ADAM10: variants seen among roughly 807,000 people sequenced by gnomAD.
ADAM10 encodes disintegrin and metalloproteinase domain-containing protein 10.
A neutral mutation model predicts 90.1 loss-of-function variants in ADAM10; 17 were observed. The observed-to-expected ratio is 0.19, with a 90% CI of 0.13 to 0.28. ADAM10 has a LOEUF of 0.28. Among genes scored for constraint, ADAM10 ranks in the 10% least tolerant of loss-of-function variants. The probability of loss-of-function intolerance (pLI) is 1.00; values close to 1 mark genes in which losing one functional copy is unlikely to be tolerated. For synonymous variants in ADAM10, 310 were observed against 298.6 expected, an observed-to-expected ratio of 1.04 and a Z score of -0.40; for missense variants, 610 against 914.3, an observed-to-expected ratio of 0.67 and a Z score of 4.29.
At position 58,591,927 on chromosome 15, in the gene ADAM10, T is replaced by C. The variant is rs1330924325; in HGVS notation, c.*5620A>G. 7 of 152,214 alleles carry C rather than the reference T, an allele frequency of 4.6e-5. No homozygotes were observed. The highest frequency in any genetic ancestry group is 1.7e-4 in the African/African-American group (7 of 41,450). The allele number at this position is 152,214 out of a possible 1,614,324, so 9.4% of individuals were successfully genotyped here. A position where few individuals can be genotyped will look rare whatever the true frequency, so the allele number is the denominator to read the frequency against. On this transcript the variant is annotated 3_prime_UTR_variant, in exon 16 of 16. Transcript: ENST00000260408. ...ATCAGTATCCAAATAAGTCCATAAA[T>C]TGTCTTGATAGATGTAGCTCTTAAG...
chr15:58,688,984 A>C lies in ADAM10; in HGVS notation c.207-6670T>G, dbSNP rs1394246027. 2.0e-5 allele frequency among the ~76,000 whole-genome samples: 3 copies of C among 151,310 alleles called. No homozygotes were observed. In the East Asian group the frequency reaches 5.8e-4, roughly 29 times the overall value. On this transcript the variant is annotated intron_variant, in intron 2 of 15. Coordinates refer to ENST00000260408, the MANE Select transcript of ADAM10 (RefSeq NM_001110.4). ...AGAAGCGAGAGGAGACAGAAAAAAA[A>C]ATTTGATAAAATGATAAAAAACTTC...
chr15:58,610,793 T>G, intron 13 of ADAM10: 1 of 633,846 alleles, frequency 1.6e-6, no homozygotes. Context: ...GCTGGCAACG[T>G]TTTGTCTAGT....
At chr15:58,607,303 T>C (rs1895304661) in intron 14 of ADAM10, among the ~76,000 whole-genome samples, 1 of 152,260 alleles carries the variant, frequency 6.6e-6, no homozygotes, top group African/African-American at 2.4e-5. Flanking sequence ...ACAATCAGGA[T>C]TGAGAACTAC....
At chr15:58,637,192 T>C (rs1010863869) in intron 8 of ADAM10, among the ~76,000 whole-genome samples, 1 of 152,198 alleles carries the variant, frequency 6.6e-6, no homozygotes, top group Non-Finnish European at 1.5e-5. Flanking sequence ...AAACATCTAA[T>C]CTAAAGAAAA....
At chr15:58,649,233 T>G (rs1896626467) in intron 5 of ADAM10, among the ~76,000 whole-genome samples, 2 of 152,138 alleles carry the variant, frequency 1.3e-5, no homozygotes, top group Non-Finnish European at 2.9e-5. Context: ...AATACTTGAC[T>G]TACCAAAATC....
intron 1 of ADAM10, among the ~76,000 whole-genome samples, chr15:58,737,242 T>C (rs1899459768): frequency 6.6e-6 from 1 of 152,146 alleles, no homozygotes; most frequent in African/African-American, 2.4e-5. Flanking sequence ...TGGTATCTGT[T>C]CTCTAAAAAT....
chr15:58,660,012 G>A (rs1896930268), intron 5 of ADAM10, among the ~76,000 whole-genome samples: 4 of 152,166 alleles, frequency 2.6e-5, no homozygotes. Context: ...ACAGGTGTGA[G>A]CCAATACGCC....
intron 9 of ADAM10, among the ~76,000 whole-genome samples, chr15:58,631,768 T>A (rs1896109700): frequency 6.6e-6 from 1 of 152,178 alleles, no homozygotes; most frequent in Admixed American, 6.5e-5. Context: ...AAATCAACTA[T>A]GAACAATAAT....
intron 14 of ADAM10, chr15:58,609,984 GTTTT>G (rs1162892441): frequency 3.3e-6 from 1 of 305,328 alleles, no homozygotes; most frequent in Non-Finnish European, 6.1e-6. Context: ...AAAAAAAAAT[GTTTT>G]TTAAGTCCCA....
At chr15:58,749,000 G>A (rs1188067046) in intron 1 of ADAM10, 1 of 399,322 alleles carries the variant, frequency 2.5e-6, no homozygotes. Flanking sequence ...GGGTCTCGGC[G>A]GCGGAGAGGA....
At chr15:58,698,384 C>T in intron 2 of ADAM10, 1 of 314,304 alleles carries the variant, frequency 3.2e-6, no homozygotes, top group Non-Finnish European at 6.0e-6. Context: ...CCAGCCTGGG[C>T]AACACGGCAA....
intron 11 of ADAM10, among the ~76,000 whole-genome samples, chr15:58,620,223 C>T (rs1328255088): frequency 6.6e-6 from 1 of 151,964 alleles, no homozygotes; most frequent in Non-Finnish European, 1.5e-5. Context: ...CCTAGCACTT[C>T]GGGAGGCGAA....
intron 4 of ADAM10, among the ~76,000 whole-genome samples, chr15:58,669,242 GTC>G (rs1428367082): frequency 1.3e-5 from 2 of 152,080 alleles, no homozygotes; most frequent in Admixed American, 6.6e-5. Context: ...AAGTGTTAAG[GTC>G]TCCCGGCAAT....
intron 11 of ADAM10, among the ~76,000 whole-genome samples, chr15:58,613,056 C>A (rs1306546746): frequency 6.6e-6 from 1 of 152,144 alleles, no homozygotes; most frequent in Non-Finnish European, 1.5e-5. Context: ...CTAAGTCTCA[C>A]CATTATGGGA....
chr15:58,692,447 C>T, intron 2 of ADAM10: 6 of 539,756 alleles, frequency 1.1e-5, no homozygotes, highest in Non-Finnish European at 2.2e-5. Context: ...TCATCGGAAC[C>T]CACATCTTCA....
intron 4 of ADAM10, among the ~76,000 whole-genome samples, chr15:58,671,068 A>G (rs949797619): frequency 7.2e-5 from 11 of 152,154 alleles, no homozygotes; most frequent in African/African-American, 2.7e-4. Flanking sequence ...GTTCTTTGAC[A>G]TATTACCTCT....
At chr15:58,622,513 C>A (rs915634977) in intron 10 of ADAM10, among the ~76,000 whole-genome samples, 2 of 151,972 alleles carry the variant, frequency 1.3e-5, no homozygotes, top group Non-Finnish European at 2.9e-5. Flanking sequence ...ATGAAATGTC[C>A]CACATTCTAT....
At chr15:58,639,114 C>G (rs1004728886) in intron 8 of ADAM10, among the ~76,000 whole-genome samples, 18 of 152,030 alleles carry the variant, frequency 1.2e-4, no homozygotes, top group Non-Finnish European at 2.2e-4. Flanking sequence ...ACTCACTTAC[C>G]CAGGAGGCAT....
Position 58,597,553 on chromosome 15 carries a change from T to C in ADAM10, c.2241A>G (p.Arg747=). The change falls in exon 16 of 16, where the codon AGA becomes AGG. Residue 747 remains arginine, a synonymous_variant. Coordinates refer to ENST00000260408, the MANE Select transcript of ADAM10 (RefSeq NM_001110.4). ...ACCAAGGCAAAAGCTGCAGTTAGCG[T>C]CTCATGTGTCCCATTTGATAACTCT... The part of the protein sequence containing the change: ...PRESYQMGHM[R]R The C allele has an allele frequency of 1.2e-6, 2 of 1,614,124 alleles. No homozygotes were observed. The highest frequency in any genetic ancestry group is 1.7e-6 in the Non-Finnish European group (2 of 1,180,002).
Sources: allele counts gnomAD v4.1 joint callset (sites outside exome capture counted in the v4.1 genomes callset), GRCh38; gene constraint gnomAD v4.1.1; transcripts MANE v1.5; gene names NCBI Gene and HGNC (gene_info 2026-07-23, HGNC 2026-07-21).